PITHD1: variants seen among roughly 807,000 people sequenced by gnomAD.
The protein encoded by PITHD1 is PITH domain-containing protein 1.
In PITHD1, 8 loss-of-function variants were observed where a neutral mutation model predicts 27.5. The ratio of observed to expected loss-of-function variants is 0.29; its 90% confidence interval spans 0.17 to 0.52. The LOEUF (loss-of-function observed/expected upper bound fraction) is 0.52, where lower values mean the gene tolerates loss of function less well. PITHD1 is among the 20% of genes least tolerant of loss of function. The pLI is 0.96. For synonymous variants in PITHD1, 118 were observed against 106.8 expected, an observed-to-expected ratio of 1.10 and a Z score of -0.64; for missense variants, 233 against 283.9, an observed-to-expected ratio of 0.82 and a Z score of 1.29.
intron 2 of PITHD1, 57 bp from the exon 3 acceptor site, chr1:23,779,807 C>T (rs1638568379): frequency 7.6e-7 from 1 of 1,312,414 alleles, no homozygotes; most frequent in Non-Finnish European, 1.1e-6. Context: ...CAGGGTCACA[C>T]AACTAAACAG....
At chr1:23,783,301 A>G (rs1638630141) in intron 3 of PITHD1, among the ~76,000 whole-genome samples, 1 of 150,490 alleles carries the variant, frequency 6.6e-6, no homozygotes, top group African/African-American at 2.4e-5. Flanking sequence ...ATATATGTAT[A>G]TCTACATATA....
chr1:23,785,586 A>G, intron 3 of PITHD1, 89 bp from the exon 4 acceptor site: 1 of 720,802 alleles, frequency 1.4e-6, no homozygotes, highest in Non-Finnish European at 2.5e-6. Context: ...TGATAGAACC[A>G]AAGCCATTTA....
At chr1:23,780,305 C>T (rs1172282655) in intron 3 of PITHD1, among the ~76,000 whole-genome samples, 1 of 152,052 alleles carries the variant, frequency 6.6e-6, no homozygotes, top group Non-Finnish European at 1.5e-5. Flanking sequence ...AACATTTTTC[C>T]TTGCTATTTC....
intron 2 of PITHD1, 128 bp from the exon 3 acceptor site, chr1:23,779,736 A>C: frequency 2.7e-6 from 2 of 728,594 alleles, no homozygotes; most frequent in East Asian, 5.1e-5. Context: ...GATCTTAGAA[A>C]TTATCTAGTA....
chr1:23,783,358 CAT>C (rs368523384), intron 3 of PITHD1, among the ~76,000 whole-genome samples: 2,138 of 145,352 alleles, frequency 0.015, 71 homozygotes, highest in African/African-American at 0.048. Context: ...CATATATACG[CAT>C]ATATATATAC....
chr1:23,783,807 T>C (rs935003702), intron 3 of PITHD1, among the ~76,000 whole-genome samples: 5 of 152,150 alleles, frequency 3.3e-5, no homozygotes, highest in African/African-American at 7.2e-5. Flanking sequence ...CTTTAAAATA[T>C]TGAGCTTAAG....
intron 3 of PITHD1, chr1:23,785,149 AGATGC>A (rs1162224109): frequency 6.5e-6 from 1 of 152,746 alleles, no homozygotes. Context: ...ACCCACTCAA[AGATGC>A]CATGGGGTTA....
intron 5 of PITHD1, among the ~76,000 whole-genome samples, 153 bp downstream of exon 5, chr1:23,786,576 T>C (rs1638687998): frequency 6.6e-6 from 1 of 151,138 alleles, no homozygotes; most frequent in Admixed American, 6.6e-5. Flanking sequence ...TTCGTCTCAT[T>C]TGAGAAACTA....
intron 3 of PITHD1, among the ~76,000 whole-genome samples, chr1:23,780,489 G>A (rs1638580343): frequency 6.6e-6 from 1 of 152,102 alleles, no homozygotes; most frequent in African/African-American, 2.4e-5. Flanking sequence ...TAAAAGAAGG[G>A]GAAAACTGCT....
In PITHD1 at chr1:23,785,791, G is replaced by A. The variant is rs775274885; in HGVS notation, c.425+12G>A. The A allele has an allele frequency of 7.6e-6, 11 of 1,438,410 alleles. No homozygotes were observed. Among genetic ancestry groups the A allele is most frequent in the Non-Finnish European group, 1.1e-5 (11 of 1,020,046 alleles). 89.1% of individuals were successfully genotyped at this position (1,438,410 alleles called of 1,614,324 possible). A position where few individuals can be genotyped will look rare whatever the true frequency, so the allele number is the denominator to read the frequency against. Reference sequence around the variant, plus strand: ...GAGTATGCTACAAAGTAAGCACTGGGCCTGTCTTCCATTCTCTATGGCTTC... The same window carrying A: ...GAGTATGCTACAAAGTAAGCACTGGACCTGTCTTCCATTCTCTATGGCTTC... On this transcript the variant is annotated intron_variant, in intron 4 of 5. Transcript: ENST00000246151.
rs201615468 is a variant in PITHD1 at position 23,786,330 on chromosome 1, A to G, written c.441A>G (p.Ser147=). Residue 147 remains serine (S), a synonymous_variant, in exon 5 of 6, where the codon TCA becomes TCG. Coordinates refer to ENST00000246151, the MANE Select transcript of PITHD1 (RefSeq NM_020362.5). ...CATCCTCTAGAATTTCTCGTTTTTC[A>G]AATGTCTATCATCTCTCAATTCATA... ...LEYATKISRF[S]NVYHLSIHIS... 3 of 1,570,168 alleles carry G rather than the reference A, an allele frequency of 1.9e-6. No homozygotes were observed. The highest frequency in any genetic ancestry group is 2.6e-6 in the Non-Finnish European group (3 of 1,142,094).
intron 4 of PITHD1, 111 bp downstream of exon 4, chr1:23,785,890 G>A: frequency 1.6e-6 from 1 of 641,290 alleles, no homozygotes; most frequent in South Asian, 1.8e-5. Flanking sequence ...AACAGTGGAG[G>A]AGACTTGATC....
In PITHD1 at chr1:23,778,437, C is replaced by T; in HGVS notation, c.-79C>T. ...GCGCTTAGTTGCCGGAGCTGAACGG[C>T]GCGGAGCTGGTCTGAGGCGAGCCGA... On this transcript the variant is annotated 5_prime_UTR_variant, in exon 1 of 6. Transcript: ENST00000246151. 3 of 1,029,430 alleles carry T rather than the reference C, an allele frequency of 2.9e-6. No individual in the cohort carries two copies. Among genetic ancestry groups the T allele is most frequent in the Non-Finnish European group, 3.8e-6 (3 of 798,186 alleles). The allele number at this position is 1,029,430 out of a possible 1,614,324, so 63.8% of individuals were successfully genotyped here.
At chr1:23,784,644 C>T (rs1638657395) in intron 3 of PITHD1, among the ~76,000 whole-genome samples, 1 of 152,076 alleles carries the variant, frequency 6.6e-6, no homozygotes, top group African/African-American at 2.4e-5. Context: ...GTGGCTTAGT[C>T]TTTGGGAATT....
chr1:23,781,060 C>T (rs190213496), intron 3 of PITHD1, among the ~76,000 whole-genome samples: 66 of 148,696 alleles, frequency 4.4e-4, no homozygotes, highest in African/African-American at 1.6e-3. Flanking sequence ...TGGTGGCACA[C>T]GCCTGTAATC....
At chr1:23,783,689 A>G (rs1335308460) in intron 3 of PITHD1, among the ~76,000 whole-genome samples, 1 of 151,772 alleles carries the variant, frequency 6.6e-6, no homozygotes, top group Admixed American at 6.6e-5. Flanking sequence ...TCCTGACCTC[A>G]AGTGATCCGC....
chr1:23,781,914 G>A (rs148833033), intron 3 of PITHD1, among the ~76,000 whole-genome samples: 8 of 152,252 alleles, frequency 5.3e-5, no homozygotes, highest in East Asian at 1.9e-4. Context: ...GAACAGATAC[G>A]AATACATAGC....
At chr1:23,784,367 A>G (rs1638654070) in intron 3 of PITHD1, among the ~76,000 whole-genome samples, 1 of 149,428 alleles carries the variant, frequency 6.7e-6, no homozygotes, top group Non-Finnish European at 1.5e-5. Context: ...CAGCCTCCCA[A>G]GTAGCTGGGA....
At position 23,779,094 on chromosome 1, in the gene PITHD1, A is replaced by G. The variant is rs1434207987; in HGVS notation, c.199-344A>G. Among the ~76,000 whole-genome samples the G allele has an allele frequency of 5.3e-5, 8 of 152,136 alleles. No homozygotes were observed. In the East Asian group the frequency reaches 5.8e-4, roughly 11 times the overall value. ...CCCATATAGAGCAAATGTTCTTTAC[A>G]TTGTGGGGTCGCAGGCCCCTTTGCT... On this transcript the variant is annotated intron_variant, in intron 1 of 5. Transcript: ENST00000246151.
Sources: allele counts gnomAD v4.1 joint callset (sites outside exome capture counted in the v4.1 genomes callset), GRCh38; gene constraint gnomAD v4.1.1; transcripts MANE v1.5; gene names NCBI Gene and HGNC (gene_info 2026-07-23, HGNC 2026-07-21).